SSBP4: variants seen among roughly 807,000 people sequenced by gnomAD.
SSBP4 encodes single-stranded DNA-binding protein 4.
In SSBP4, 33 loss-of-function variants were observed where a neutral mutation model predicts 64.6. The observed-to-expected ratio is 0.51, with a 90% CI of 0.39 to 0.68. The LOEUF (loss-of-function observed/expected upper bound fraction) is 0.68. Among genes scored for constraint, SSBP4 ranks in the 30% least tolerant of loss-of-function variants. SSBP4 has a pLI of 0.00. For missense variants in SSBP4, 583 were observed against 566.8 expected (o/e 1.03, Z -0.29); for synonymous variants, 243 against 224.0 (o/e 1.08, Z -0.76).
chr19:18,413,147 GTTT>G, the SSBP4 span, among the ~76,000 whole-genome samples: 15 of 114,548 alleles, frequency 1.3e-4, no homozygotes, highest in Non-Finnish European at 1.7e-4. Flanking sequence ...TTTGGTTTGG[GTTT>G]TTTTTTTTTT....
the SSBP4 span, among the ~76,000 whole-genome samples, chr19:18,413,806 C>T: frequency 6.6e-6 from 1 of 151,986 alleles, no homozygotes; most frequent in Non-Finnish European, 1.5e-5. Flanking sequence ...CGCCTGAAGT[C>T]GGGAGTTCAA....
chr19:18,433,777 C>T lies in SSBP4; in HGVS notation c.1088C>T (p.Ala363Val), dbSNP rs1340906933. 3 of 1,431,338 alleles carry T rather than the reference C, an allele frequency of 2.1e-6. No individual in the cohort carries two copies. Among genetic ancestry groups the T allele is most frequent in the Non-Finnish European group, 2.7e-6 (3 of 1,097,474 alleles). The allele number at this position is 1,431,338 out of a possible 1,614,324, so 88.7% of individuals were successfully genotyped here. A position where few individuals can be genotyped will look rare whatever the true frequency, so the allele number is the denominator to read the frequency against. Reference protein sequence around the residue: ...PGTPRDDGEMAAAGTFLHPFP... With the variant: ...PGTPRDDGEMVAAGTFLHPFP... ...ACCCCGCGGGACGACGGCGAGATGG[C>T]GGCCGCCGGGACCTTCCTGCACCCG... Residue 363 changes from alanine to valine, a missense_variant, in exon 17 of 18, where the codon GCG becomes GTG. By Grantham distance (64) the Ala-to-Val change is moderately conservative. Coordinates refer to ENST00000270061, the MANE Select transcript of SSBP4 (RefSeq NM_032627.5).
At chr19:18,417,359 G>A (rs1458731899), upstream of SSBP4, among the ~76,000 whole-genome samples, 1 of 152,178 alleles carries the variant, frequency 6.6e-6, no homozygotes, top group African/African-American at 2.4e-5. The surrounding 1 kb of genome is among the most constrained non-coding windows in gnomAD (Gnocchi z 5.4). Flanking sequence ...CACAGGGGGC[G>A]AGGGACCAAC....
At chr19:18,433,509 G>C in intron 15 of SSBP4, 76 bp from the exon 16 acceptor site, 1 of 1,533,032 alleles carries the variant, frequency 6.5e-7, no homozygotes, top group Non-Finnish European at 8.8e-7. Context: ...GCTTGCGAGG[G>C]TCGTTGGCCC....
In SSBP4 at chr19:18,425,475, TGGCCTTG is replaced by T. The variant is rs556356676; in HGVS notation, c.60-1875_60-1869del. On this transcript the variant is annotated intron_variant, in intron 1 of 17. Coordinates refer to ENST00000270061, the MANE Select transcript of SSBP4 (RefSeq NM_032627.5). ...GTCTGCCCCTGGAACCTGCTCACCC[TGGCCTTG>T]TGTGCTCCCCTTCCACTGATGGACG... 2.8e-3 allele frequency among the ~76,000 whole-genome samples: 432 copies of T among 152,280 alleles called. 1 individual carries two copies. The highest frequency in any genetic ancestry group is 0.014 in the Middle Eastern group (4 of 294).
Position 18,432,969 on chromosome 19 carries a change from C to G in SSBP4, c.842-4C>G. ...ACACCTGGCACCCTTCTGGTCTCCC[C>G]CAGATTCCACCAACTCCAGCGAAAA... is the stretch of plus-strand genomic sequence containing the variant. On this transcript the variant is annotated splice_polypyrimidine_tract_variant and splice_region_variant and intron_variant, in intron 13 of 17. Transcript: ENST00000270061. The G allele has an allele frequency of 6.2e-7, 1 of 1,614,158 alleles. No individual in the cohort carries two copies. The highest frequency in any genetic ancestry group is 1.3e-5 in the African/African-American group (1 of 75,058).
At position 18,431,977 on chromosome 19, in the gene SSBP4, CCCTT is replaced by C; in HGVS notation, c.566-17_566-14del. 6.4e-7 allele frequency: 1 copy of C among 1,550,616 alleles called. No homozygotes were observed. The highest frequency in any genetic ancestry group is 8.7e-7 in the Non-Finnish European group (1 of 1,143,244). ...CTGGGGAATGGTCCAGGTCCAAGTCCCCTTCCTTCTGCCCCACCCCAGGGCATCC... is the reference window on the plus strand; with the variant it reads ...CTGGGGAATGGTCCAGGTCCAAGTCCCCTTCTGCCCCACCCCAGGGCATCC... On this transcript the variant is annotated intron_variant, in intron 8 of 17. Transcript: ENST00000270061.
chr19:18,409,159 G>A, the SSBP4 span, among the ~76,000 whole-genome samples: 8 of 150,866 alleles, frequency 5.3e-5, no homozygotes, highest in Admixed American at 5.3e-4. Context: ...TAGTGCTGTG[G>A]TGCTGATCTG....
At chr19:18,406,008 C>G in the SSBP4 span, among the ~76,000 whole-genome samples, 3 of 149,720 alleles carry the variant, frequency 2.0e-5, no homozygotes, top group Admixed American at 1.3e-4. Context: ...AAAAAAAAGA[C>G]AGAGAGAGAA....
rs113898508 is a variant in SSBP4 at position 18,420,136 on chromosome 19, T to G, written c.59+429T>G. On this transcript the variant is annotated intron_variant, in intron 1 of 17. Coordinates refer to ENST00000270061, the MANE Select transcript of SSBP4 (RefSeq NM_032627.5). Reference sequence around the variant, plus strand: ...GCATGGGGATCGAGGTCAGCGAAGTTTTCCGGGACGAACAAGAGTGTCGGC... The same window carrying G: ...GCATGGGGATCGAGGTCAGCGAAGTGTTCCGGGACGAACAAGAGTGTCGGC... The G allele has an allele frequency of 3.3e-5, 5 of 151,646 alleles. 1 individual carries two copies. The highest frequency in any genetic ancestry group is 9.7e-5 in the African/African-American group (4 of 41,262). 9.4% of individuals were successfully genotyped at this position (151,646 alleles called of 1,614,324 possible).
chr19:18,403,377 C>T, the SSBP4 span, among the ~76,000 whole-genome samples: 2 of 152,218 alleles, frequency 1.3e-5, no homozygotes, highest in Non-Finnish European at 2.9e-5. Context: ...TCTCTATACT[C>T]TGTCTCTGTG....
intron 17 of SSBP4, 81 bp from the exon 18 acceptor site, chr19:18,434,136 C>G: frequency 2.5e-6 from 4 of 1,598,776 alleles, no homozygotes; most frequent in Non-Finnish European, 3.4e-6. Context: ...TGCCCTGTCC[C>G]CCATTGTCCC....
At chr19:18,433,376 G>A in intron 15 of SSBP4, 163 bp downstream of exon 15, 1 of 1,262,486 alleles carries the variant, frequency 7.9e-7, no homozygotes, top group Non-Finnish European at 1.1e-6. Flanking sequence ...GCTGGAGGGG[G>A]ATCCAGCGAC....
chr19:18,433,517 C>T (rs1477855663), intron 15 of SSBP4, 68 bp from the exon 16 acceptor site: 46 of 1,538,264 alleles, frequency 3.0e-5, no homozygotes, highest in Non-Finnish European at 4.0e-5. Flanking sequence ...GGGTCGTTGG[C>T]CCCTGGAGGC....
intron 4 of SSBP4, among the ~76,000 whole-genome samples, chr19:18,430,564 A>G (rs1973277054): frequency 6.6e-6 from 1 of 152,164 alleles, no homozygotes; most frequent in Admixed American, 6.5e-5. Context: ...TTGGGGACCC[A>G]GCTGAGCTGC....
chr19:18,416,779 GTTA>G (rs1356919231), upstream of SSBP4, among the ~76,000 whole-genome samples: 2 of 152,206 alleles, frequency 1.3e-5, no homozygotes, highest in African/African-American at 4.8e-5. Context: ...TCCTCTCCCC[GTTA>G]TTAATAATTT....
intron 6 of SSBP4, 28 bp from the exon 7 acceptor site, chr19:18,431,619 G>A: frequency 6.5e-7 from 1 of 1,528,754 alleles, no homozygotes; most frequent in Non-Finnish European, 8.8e-7. Context: ...GGTGGGGGAA[G>A]GTGCTGATCC....
At chr19:18,432,244 C>T (rs10409003) in intron 10 of SSBP4, 30 bp downstream of exon 10, 582,702 of 1,607,966 alleles carry the variant, frequency 0.36, 110,113 homozygotes, top group African/African-American at 0.65. Context: ...TAGGAGTGTG[C>T]AGTTCGCAGG....
the SSBP4 span, among the ~76,000 whole-genome samples, chr19:18,404,200 CA>C: frequency 1.8e-4 from 27 of 151,626 alleles, no homozygotes; most frequent in Non-Finnish European, 3.2e-4. Context: ...TAGAGACCTT[CA>C]GAGACTCCCA....
Sources: allele counts gnomAD v4.1 joint callset (sites outside exome capture counted in the v4.1 genomes callset), GRCh38; gene constraint gnomAD v4.1.1; non-coding constraint Gnocchi (gnomAD v3.1); transcripts MANE v1.5; gene names NCBI Gene and HGNC (gene_info 2026-07-23, HGNC 2026-07-21).